The following SNTB1 variants were observed in gnomAD, a reference collection of about 807,000 sequenced individuals.
SNTB1 encodes the protein beta-1-syntrophin.
Under a neutral mutation model 48.9 loss-of-function variants are expected in SNTB1, and 36 were observed. The ratio of observed to expected loss-of-function variants is 0.74; its 90% confidence interval spans 0.56 to 0.97. The LOEUF (loss-of-function observed/expected upper bound fraction) is 0.97. SNTB1 is among the 50% of genes least tolerant of loss of function. The pLI is 0.00. For missense variants in SNTB1, 786 were observed against 703.4 expected, an observed-to-expected ratio of 1.12 and a Z score of -1.33; for synonymous variants, 299 against 294.6, an observed-to-expected ratio of 1.01 and a Z score of -0.15.
At chr8:120,685,683 A>G (rs4532637) in intron 2 of SNTB1, among the ~76,000 whole-genome samples, 17,686 of 152,192 alleles carry the variant, frequency 0.12, 2,185 homozygotes, top group African/African-American at 0.31. Flanking sequence ...CACTCTTTGT[A>G]TTCTCTCCAG....
chr8:120,744,337 C>G (rs1051660232), intron 1 of SNTB1, among the ~76,000 whole-genome samples: 6 of 152,090 alleles, frequency 3.9e-5, no homozygotes, highest in Non-Finnish European at 8.8e-5. Context: ...AAATGAAGAT[C>G]AATGTTAGCA....
intron 4 of SNTB1, among the ~76,000 whole-genome samples, chr8:120,549,712 AG>A (rs1362816789): frequency 5.9e-5 from 9 of 152,250 alleles, no homozygotes; most frequent in Admixed American, 1.3e-4. Flanking sequence ...CCTTCGGAGC[AG>A]GGGCTAGGTC....
At chr8:120,600,708 T>C (rs909468743) in intron 3 of SNTB1, among the ~76,000 whole-genome samples, 8 of 152,072 alleles carry the variant, frequency 5.3e-5, no homozygotes, top group Non-Finnish European at 1.0e-4. Flanking sequence ...GTCAGACATA[T>C]AGTTTTGCAG....
At chr8:120,637,260 T>C (rs1042181813) in intron 2 of SNTB1, 6 of 347,494 alleles carry the variant, frequency 1.7e-5, no homozygotes, top group Non-Finnish European at 2.8e-5. Flanking sequence ...AAAAGTCTGC[T>C]GCTGACCAAA....
chr8:120,555,798 G>A (rs760781323), intron 4 of SNTB1, among the ~76,000 whole-genome samples: 1 of 152,050 alleles, frequency 6.6e-6, no homozygotes, highest in Non-Finnish European at 1.5e-5. Context: ...TTAATCCAAC[G>A]GAACCGTGTT....
intron 2 of SNTB1, among the ~76,000 whole-genome samples, chr8:120,643,266 G>A (rs1297011900): frequency 6.6e-6 from 1 of 152,174 alleles, no homozygotes; most frequent in Non-Finnish European, 1.5e-5. Flanking sequence ...TGTTGTTATT[G>A]TTTCTCTGAT....
At chr8:120,663,211 A>G (rs1459280474) in intron 2 of SNTB1, among the ~76,000 whole-genome samples, 1 of 152,212 alleles carries the variant, frequency 6.6e-6, no homozygotes, top group Non-Finnish European at 1.5e-5. Context: ...ATCTGCAGAT[A>G]GAAATGGGCT....
At chr8:120,591,416 G>C (rs1816238933) in intron 3 of SNTB1, among the ~76,000 whole-genome samples, 1 of 152,060 alleles carries the variant, frequency 6.6e-6, no homozygotes, top group South Asian at 2.1e-4. Context: ...AAGGGTCAAA[G>C]GTGTACATGC....
intron 2 of SNTB1, among the ~76,000 whole-genome samples, chr8:120,640,108 G>A (rs1313364199): frequency 6.6e-6 from 1 of 151,502 alleles, no homozygotes; most frequent in Non-Finnish European, 1.5e-5. Flanking sequence ...CTTGTAAGTT[G>A]GATTCCTAGG....
At chr8:120,605,370 C>T (rs993799514) in intron 3 of SNTB1, among the ~76,000 whole-genome samples, 1 of 152,204 alleles carries the variant, frequency 6.6e-6, no homozygotes, top group Non-Finnish European at 1.5e-5. Flanking sequence ...TCAAGCTCTC[C>T]AGAAGTAGCT....
At chr8:120,781,819 C>A (rs951847709) in intron 1 of SNTB1, among the ~76,000 whole-genome samples, 14 of 152,300 alleles carry the variant, frequency 9.2e-5, no homozygotes, top group South Asian at 8.3e-4. Flanking sequence ...AAGAAAAGTC[C>A]TAGAAGCTGG....
At chr8:120,626,982 T>A (rs760055820) in intron 3 of SNTB1, among the ~76,000 whole-genome samples, 5 of 152,226 alleles carry the variant, frequency 3.3e-5, no homozygotes, top group Non-Finnish European at 5.9e-5. Flanking sequence ...GTGGGACAAC[T>A]GCCTCTTTCT....
At chr8:120,612,634 A>G (rs1268076565) in intron 3 of SNTB1, among the ~76,000 whole-genome samples, 2 of 151,864 alleles carry the variant, frequency 1.3e-5, no homozygotes, top group Non-Finnish European at 2.9e-5. Flanking sequence ...ACTCACTGCA[A>G]CCTCCGCCTC....
intron 2 of SNTB1, among the ~76,000 whole-genome samples, chr8:120,683,089 G>A (rs1025225549): frequency 1.2e-4 from 19 of 152,044 alleles, no homozygotes; most frequent in Non-Finnish European, 2.6e-4. Flanking sequence ...CACTGCGTTA[G>A]CCAGGATGGT....
chr8:120,628,681 C>T (rs927191120), intron 3 of SNTB1, among the ~76,000 whole-genome samples: 10 of 151,970 alleles, frequency 6.6e-5, no homozygotes, highest in African/African-American at 2.4e-4. Flanking sequence ...TGCTTGAATC[C>T]GGAGGCAGAG....
At chr8:120,575,955 C>A (rs1315851687) in intron 3 of SNTB1, among the ~76,000 whole-genome samples, 1 of 152,190 alleles carries the variant, frequency 6.6e-6, no homozygotes, top group Non-Finnish European at 1.5e-5. Flanking sequence ...CTGGTGTTTG[C>A]CCTTCCCAAA....
At chr8:120,785,317 T>A (rs1819905930) in intron 1 of SNTB1, among the ~76,000 whole-genome samples, 1 of 152,108 alleles carries the variant, frequency 6.6e-6, no homozygotes, top group South Asian at 2.1e-4. Context: ...TCTGTCTCAG[T>A]CAAGAAGGGT....
chr8:120,566,735 G>A (rs567471745), intron 4 of SNTB1, among the ~76,000 whole-genome samples: 2 of 152,266 alleles, frequency 1.3e-5, no homozygotes, highest in East Asian at 3.9e-4. Flanking sequence ...GATTCAGTTG[G>A]TCTGGGGTGG....
intron 3 of SNTB1, among the ~76,000 whole-genome samples, chr8:120,622,118 G>A (rs1816803642): frequency 6.6e-6 from 1 of 152,054 alleles, no homozygotes; most frequent in Non-Finnish European, 1.5e-5. Flanking sequence ...TACAAGCTGC[G>A]GGGCCAAAAC....
Sources: gnomAD v4.1 joint callset for allele counts (sites outside exome capture counted in the v4.1 genomes callset) on GRCh38, gnomAD v4.1.1 for gene constraint, MANE v1.5 for transcripts, NCBI Gene and HGNC (gene_info 2026-07-23, HGNC 2026-07-21) for gene names.